The following OOSP1 variants were observed in gnomAD, a reference collection of about 807,000 sequenced individuals.
OOSP1 encodes the protein oocyte secreted protein 1, also known as putative oocyte-secreted protein 1 homolog.
In OOSP1, 11 loss-of-function variants were observed where a neutral mutation model predicts 5.7. That is an observed-to-expected ratio of 1.94 (90% CI 1.22 to 3.20). The LOEUF is 3.20. Ranked by LOEUF, OOSP1 falls within the 30% of genes most tolerant of loss-of-function variation. The pLI is 0.00. For missense variants in OOSP1, 83 were observed against 54.1 expected (o/e 1.53, Z -1.67); for synonymous variants, 44 against 20.0 (o/e 2.20, Z -3.20).
intron 4 of OOSP1, among the ~76,000 whole-genome samples, chr11:59,951,027 A>G (rs957370322): frequency 1.3e-5 from 2 of 152,110 alleles, no homozygotes; most frequent in Non-Finnish European, 2.9e-5. Flanking sequence ...ATATGATAGT[A>G]AAAAGTCCCA....
intron 4 of OOSP1, among the ~76,000 whole-genome samples, chr11:59,955,834 T>C (rs752929198): frequency 3.3e-5 from 5 of 152,198 alleles, no homozygotes; most frequent in Non-Finnish European, 7.4e-5. Flanking sequence ...ATTTATGCCA[T>C]GTTGCCCAGG....
intron 1 of OOSP1, among the ~76,000 whole-genome samples, chr11:59,942,349 A>G (rs965149978): frequency 1.3e-5 from 2 of 152,202 alleles, no homozygotes; most frequent in Admixed American, 1.3e-4. Context: ...GTTTTTACTC[A>G]ATTTCTATAA....
intron 4 of OOSP1, among the ~76,000 whole-genome samples, chr11:59,952,219 T>C (rs151046456): frequency 1.3e-5 from 2 of 152,292 alleles, no homozygotes; most frequent in East Asian, 3.9e-4. Flanking sequence ...TTAAATATCC[T>C]ATTTCTTCAA....
chr11:59,947,990 T>C lies in OOSP1; in HGVS notation c.486+128T>C, dbSNP rs1853903590. Reference sequence around the variant, plus strand: ...TGCATTGTGCCTAAAATGTTTCCGGTTCAAGAATGCAAATTCATGATTTCC... The same window carrying C: ...TGCATTGTGCCTAAAATGTTTCCGGCTCAAGAATGCAAATTCATGATTTCC... On this transcript the variant is annotated intron_variant, in intron 4 of 4. Coordinates refer to ENST00000646685, the Ensembl canonical transcript of OOSP1. The C allele has an allele frequency of 1.3e-5, 5 of 394,938 alleles. No homozygotes were observed. In the South Asian group the frequency reaches 5.7e-4, roughly 45 times the overall value. The allele number at this position is 394,938 out of a possible 1,614,324, so 24.5% of individuals were successfully genotyped here. A position where few individuals can be genotyped will look rare whatever the true frequency, so the allele number is the denominator to read the frequency against.
intron 4 of OOSP1, among the ~76,000 whole-genome samples, chr11:59,953,985 A>C (rs1853965687): frequency 6.6e-6 from 1 of 152,190 alleles, no homozygotes; most frequent in Non-Finnish European, 1.5e-5. Flanking sequence ...GAGTGTACTT[A>C]CACAAACCTA....
intron 4 of OOSP1, among the ~76,000 whole-genome samples, chr11:59,951,619 C>A (rs989146726): frequency 6.6e-6 from 1 of 151,694 alleles, no homozygotes; most frequent in Non-Finnish European, 1.5e-5. Context: ...GTGTGGAGAA[C>A]CAAGCAGTAT....
intron 4 of OOSP1, among the ~76,000 whole-genome samples, chr11:59,955,378 G>T (rs537608068): frequency 6.6e-6 from 1 of 151,754 alleles, no homozygotes; most frequent in Admixed American, 6.6e-5. Context: ...TATGAATCTG[G>T]CATTGTCTCG....
At chr11:59,948,587 T>G (rs553512325) in intron 4 of OOSP1, 1 of 393,276 alleles carries the variant, frequency 2.5e-6, no homozygotes, top group Admixed American at 4.4e-5. Flanking sequence ...CACTTACACC[T>G]TCTCCTTCAT....
At position 59,947,972 on chromosome 11, in the gene OOSP1, T is replaced by A. The variant is rs1031542375; in HGVS notation, c.486+110T>A. On this transcript the variant is annotated intron_variant, in intron 4 of 4. Coordinates refer to ENST00000646685, the Ensembl canonical transcript of OOSP1. ...CACACATTTGTGTTAAGGTGCATTG[T>A]GCCTAAAATGTTTCCGGTTCAAGAA... The A allele has an allele frequency of 7.6e-6, 3 of 395,848 alleles. No individual in the cohort carries two copies. The East Asian group carries it at 1.1e-4, about 14-fold the overall frequency. The allele number at this position is 395,848 out of a possible 1,614,324, so 24.5% of individuals were successfully genotyped here. A position where few individuals can be genotyped will look rare whatever the true frequency, so the allele number is the denominator to read the frequency against.
chr11:59,953,939 A>G (rs904547690), intron 4 of OOSP1, among the ~76,000 whole-genome samples: 3 of 152,154 alleles, frequency 2.0e-5, no homozygotes, highest in East Asian at 3.8e-4. Flanking sequence ...TGAGAAATGC[A>G]TTGCTAGGTG....
chr11:59,955,482 A>G (rs953725404), intron 4 of OOSP1, among the ~76,000 whole-genome samples: 2 of 152,222 alleles, frequency 1.3e-5, no homozygotes, highest in African/African-American at 4.8e-5. Flanking sequence ...CAATTATACA[A>G]TAAATGATTT....
intron 2 of OOSP1, 92 bp downstream of exon 2, chr11:59,943,120 C>T (rs1853848150): frequency 3.6e-6 from 2 of 556,954 alleles, no homozygotes; most frequent in African/African-American, 4.0e-5. Context: ...TCAATTCCCA[C>T]CTATGAGTGA....
At chr11:59,945,456 T>C in intron 3 of OOSP1, 190 bp downstream of exon 3, 1 of 642,590 alleles carries the variant, frequency 1.6e-6, no homozygotes, top group South Asian at 1.6e-5. Context: ...TAAAGAGAAA[T>C]GCTGGCTGGG....
intron 4 of OOSP1, among the ~76,000 whole-genome samples, chr11:59,950,993 A>G (rs1590893617): frequency 1.3e-5 from 2 of 152,072 alleles, no homozygotes; most frequent in East Asian, 1.9e-4. Context: ...GTGTCCTTAA[A>G]TAAAAACTGC....
At chr11:59,950,964 A>G (rs998625502) in intron 4 of OOSP1, among the ~76,000 whole-genome samples, 4 of 152,114 alleles carry the variant, frequency 2.6e-5, no homozygotes, top group Admixed American at 6.6e-5. Context: ...AATGATTAAG[A>G]AATTTTGGCT....
chr11:59,945,129 T>C, intron 2 of OOSP1, 40 bp from the exon 3 acceptor site: 1 of 700,856 alleles, frequency 1.4e-6, no homozygotes, highest in Non-Finnish European at 2.6e-6. Flanking sequence ...CTGAGATACT[T>C]GAGACAAACA....
intron 2 of OOSP1, among the ~76,000 whole-genome samples, chr11:59,944,842 C>T (rs1238763605): frequency 1.3e-5 from 2 of 152,196 alleles, no homozygotes; most frequent in African/African-American, 2.4e-5. Context: ...AGCCCATGCT[C>T]GCTTTGAATA....
At chr11:59,953,926 T>A (rs1226059495) in intron 4 of OOSP1, among the ~76,000 whole-genome samples, 1 of 152,210 alleles carries the variant, frequency 6.6e-6, no homozygotes, top group Non-Finnish European at 1.5e-5. Context: ...TCGGAATATG[T>A]TCTGAGAAAT....
At chr11:59,941,417 T>A (rs1283352656) in intron 1 of OOSP1, among the ~76,000 whole-genome samples, 1 of 152,078 alleles carries the variant, frequency 6.6e-6, no homozygotes, top group Non-Finnish European at 1.5e-5. Context: ...TCTAGCTTTG[T>A]CGCCCAGGCT....
Sources: allele counts gnomAD v4.1 joint callset (sites outside exome capture counted in the v4.1 genomes callset), GRCh38; gene constraint gnomAD v4.1.1; transcripts MANE v1.5; gene names NCBI Gene and HGNC (gene_info 2026-07-23, HGNC 2026-07-21).